Variants in NIBAN1 observed in about 807,000 individuals in gnomAD.
The protein encoded by NIBAN1 is niban apoptosis regulator 1.
In NIBAN1, 81 loss-of-function variants were observed where a neutral mutation model predicts 75.1. That is an observed-to-expected ratio of 1.08 (90% CI 0.90 to 1.30). The LOEUF (loss-of-function observed/expected upper bound fraction) is 1.30. Among genes scored for constraint, NIBAN1 ranks in the 50% most tolerant of loss-of-function variants. The probability of loss-of-function intolerance (pLI) is 0.00; values close to 1 mark genes in which losing one functional copy is unlikely to be tolerated. For synonymous variants in NIBAN1, 436 were observed against 424.8 expected, an observed-to-expected ratio of 1.03 and a Z score of -0.32; for missense variants, 1,133 against 1,128.1, an observed-to-expected ratio of 1.00 and a Z score of -0.06.
rs775017996 is a variant in NIBAN1, at chr1:184,795,404, C to T, written c.2360G>A (p.Gly787Glu). ...GGCTGGGCTGCCTACCTCTGGAAAT[C>T]CCCCCAACTCCTCCCCATGGGCCTC... ...CPEAHGEELGGFPEVGSPASP... is the reference protein window; with the variant it reads ...CPEAHGEELGEFPEVGSPASP... The change falls in exon 14 of 14, where the codon GGA (glycine) becomes GAA (glutamate). Residue 787 changes from glycine (G) to glutamate (E), a missense_variant. Coordinates refer to ENST00000367511, the MANE Select transcript of NIBAN1 (RefSeq NM_052966.4). 1 of 1,605,074 alleles carries T rather than the reference C, an allele frequency of 6.2e-7. No homozygotes were observed. The highest frequency in any genetic ancestry group is 1.1e-5 in the South Asian group (1 of 89,670).
chr1:184,915,945 G>C (rs1657373550), intron 1 of NIBAN1, among the ~76,000 whole-genome samples: 1 of 152,152 alleles, frequency 6.6e-6, no homozygotes, highest in Non-Finnish European at 1.5e-5. Flanking sequence ...GTTGTTTCAA[G>C]GAGCATATTA....
At chr1:184,972,584 A>G (rs541021192) in intron 1 of NIBAN1, among the ~76,000 whole-genome samples, 31 of 152,328 alleles carry the variant, frequency 2.0e-4, no homozygotes, top group African/African-American at 5.8e-4. Flanking sequence ...TCCTGAATAT[A>G]GAATGAAGAG....
chr1:184,798,232 A>T, intron 12 of NIBAN1, 42 bp from the exon 13 acceptor site: 9 of 1,265,512 alleles, frequency 7.1e-6, no homozygotes, highest in Non-Finnish European at 1.0e-5. Flanking sequence ...AAAAGGCATG[A>T]GATGCCTGTT....
chr1:184,942,974 A>C (rs1658134162), intron 1 of NIBAN1, among the ~76,000 whole-genome samples: 1 of 152,256 alleles, frequency 6.6e-6, no homozygotes, highest in Non-Finnish European at 1.5e-5. Flanking sequence ...GAAGAACATC[A>C]GTGGCGGAAT....
intron 5 of NIBAN1, among the ~76,000 whole-genome samples, chr1:184,872,986 A>C (rs1052550306): frequency 1.3e-5 from 2 of 152,220 alleles, no homozygotes; most frequent in African/African-American, 4.8e-5. Flanking sequence ...GAAAGAAAGC[A>C]ATCAAATTAC....
Position 184,869,846 on chromosome 1 carries a change from A to G in NIBAN1, c.601+14787T>C, listed in dbSNP as rs148467320. Among the ~76,000 whole-genome samples the G allele has an allele frequency of 8.4e-3, 1,284 of 152,220 alleles. 15 individuals are homozygous for G. The highest frequency in any genetic ancestry group is 0.029 in the African/African-American group (1,207 of 41,552). ...CGTGAGCCACTGCGCTCGGCCCACCATTCACCACTTTTTTATTGTGCTGTT... is the reference window on the plus strand; with the variant it reads ...CGTGAGCCACTGCGCTCGGCCCACCGTTCACCACTTTTTTATTGTGCTGTT... On this transcript the variant is annotated intron_variant, in intron 5 of 13. Coordinates refer to ENST00000367511, the MANE Select transcript of NIBAN1 (RefSeq NM_052966.4).
At chr1:184,831,637 GC>G (rs1307537658) in intron 6 of NIBAN1, among the ~76,000 whole-genome samples, 3 of 152,186 alleles carry the variant, frequency 2.0e-5, no homozygotes, top group African/African-American at 2.4e-5. Flanking sequence ...GTTTTTGGCT[GC>G]CCTATTTCAT....
At chr1:184,864,709 TA>T (rs1167877942) in intron 5 of NIBAN1, among the ~76,000 whole-genome samples, 1 of 152,148 alleles carries the variant, frequency 6.6e-6, no homozygotes, top group East Asian at 1.9e-4. Context: ...AAAGGTCTAA[TA>T]TTCAGAACCT....
At chr1:184,960,661 C>G (rs1658608578) in intron 1 of NIBAN1, among the ~76,000 whole-genome samples, 1 of 109,566 alleles carries the variant, frequency 9.1e-6, no homozygotes, top group African/African-American at 3.4e-5. Flanking sequence ...GGAGTCTACT[C>G]TATCTTGCCC....
At position 184,869,547 on chromosome 1, in the gene NIBAN1, CT is replaced by C. The variant is rs773764916; in HGVS notation, c.601+15085del. On this transcript the variant is annotated intron_variant, in intron 5 of 13. Coordinates refer to ENST00000367511, the MANE Select transcript of NIBAN1 (RefSeq NM_052966.4). ...TCACTACTTTTATTTGCATTCACTA[CT>C]TTTTTTTTTTTTGAGACAGAGTTTC... is the stretch of plus-strand genomic sequence containing the variant. Among the ~76,000 whole-genome samples the C allele has an allele frequency of 5.0e-3, 726 of 145,842 alleles. 4 individuals are homozygous for C. Among genetic ancestry groups the C allele is most frequent in the African/African-American group, 0.013 (540 of 40,034 alleles).
chr1:184,899,338 A>G (rs1656886004), intron 1 of NIBAN1, 29 bp from the exon 2 acceptor site: 3 of 1,611,794 alleles, frequency 1.9e-6, no homozygotes, highest in Non-Finnish European at 2.5e-6. Context: ...TAGAATTCTT[A>G]AGTATAGCAC....
intron 1 of NIBAN1, among the ~76,000 whole-genome samples, chr1:184,928,530 C>G (rs1287003507): frequency 6.6e-6 from 1 of 152,134 alleles, no homozygotes; most frequent in East Asian, 1.9e-4. Flanking sequence ...GCGTGATTCC[C>G]CTCTGGCTAG....
chr1:184,796,700 C>T (rs1163523192), intron 13 of NIBAN1, among the ~76,000 whole-genome samples: 2 of 152,194 alleles, frequency 1.3e-5, no homozygotes, highest in African/African-American at 4.8e-5. Flanking sequence ...CTACTTATGG[C>T]TGTGCAGGGG....
chr1:184,866,211 G>T (rs1260802104), intron 5 of NIBAN1, among the ~76,000 whole-genome samples: 2 of 152,152 alleles, frequency 1.3e-5, no homozygotes, highest in Non-Finnish European at 2.9e-5. Flanking sequence ...TTAGAACTGT[G>T]ATGGAAGTAA....
chr1:184,904,363 A>G (rs1175777903), intron 1 of NIBAN1, among the ~76,000 whole-genome samples: 1 of 152,166 alleles, frequency 6.6e-6, no homozygotes, highest in East Asian at 1.9e-4. Flanking sequence ...CCAGCCTCAG[A>G]TATTTCCTTA....
intron 12 of NIBAN1, among the ~76,000 whole-genome samples, chr1:184,799,007 A>G (rs1034503256): frequency 6.6e-6 from 1 of 151,922 alleles, no homozygotes; most frequent in Non-Finnish European, 1.5e-5. Context: ...TTTTTTTTCA[A>G]TTTTCAACCA....
intron 12 of NIBAN1, among the ~76,000 whole-genome samples, chr1:184,801,924 A>T (rs1654053554): frequency 1.3e-5 from 2 of 152,234 alleles, no homozygotes; most frequent in Admixed American, 1.3e-4. Context: ...GAACAGGGCC[A>T]TAGGTTTACT....
chr1:184,869,588 G>A (rs115100893), intron 5 of NIBAN1, among the ~76,000 whole-genome samples: 1 of 150,408 alleles, frequency 6.6e-6, no homozygotes, highest in South Asian at 2.1e-4. Flanking sequence ...TGTTTCCCAA[G>A]CCGGAGTGCA....
intron 5 of NIBAN1, among the ~76,000 whole-genome samples, chr1:184,872,460 T>C (rs918808226): frequency 1.3e-5 from 2 of 152,012 alleles, no homozygotes; most frequent in Non-Finnish European, 2.9e-5. Context: ...AATGCCAGCA[T>C]TTTGGGAGGC....
Sources: gnomAD v4.1 joint callset for allele counts (sites outside exome capture counted in the v4.1 genomes callset) on GRCh38, gnomAD v4.1.1 for gene constraint, MANE v1.5 for transcripts, NCBI Gene and HGNC (gene_info 2026-07-23, HGNC 2026-07-21) for gene names.